Variants in NCOA7 observed in about 807,000 individuals in gnomAD.
NCOA7 encodes the protein 140 kDa estrogen receptor-associated protein.
In NCOA7, 45 loss-of-function variants were observed where a neutral mutation model predicts 104.3. The observed-to-expected ratio is 0.43, with a 90% CI of 0.34 to 0.55. The LOEUF (loss-of-function observed/expected upper bound fraction) is 0.55. Among genes scored for constraint, NCOA7 ranks in the 20% least tolerant of loss-of-function variants. NCOA7 has a pLI of 0.02. For missense variants in NCOA7, 1,041 were observed against 1,119.7 expected (o/e 0.93, Z 1.00); for synonymous variants, 398 against 402.3 (o/e 0.99, Z 0.13).
intron 10 of NCOA7, among the ~76,000 whole-genome samples, chr6:125,893,168 A>G (rs950322145): frequency 6.6e-6 from 1 of 152,178 alleles, no homozygotes; most frequent in East Asian, 1.9e-4. Flanking sequence ...AGCAAACTGG[A>G]TGTTTCTACT....
intron 11 of NCOA7, among the ~76,000 whole-genome samples, chr6:125,916,868 ACT>A (rs1253748948): frequency 1.3e-5 from 2 of 151,870 alleles, no homozygotes; most frequent in African/African-American, 4.8e-5. Flanking sequence ...ACTAATTTAA[ACT>A]CTTCACTCAA....
At position 125,929,510 on chromosome 6, in the gene NCOA7, G is replaced by A. The variant is rs537422808; in HGVS notation, c.*739G>A. On this transcript the variant is annotated 3_prime_UTR_variant, in exon 16 of 16. Transcript: ENST00000392477. ...GATATATGTGTGTGTGTATGTATAT[G>A]TACATATACATATATATGAGTGTAT... is the stretch of plus-strand genomic sequence containing the variant. 5 of 151,872 alleles carry A rather than the reference G, an allele frequency of 3.3e-5. No individual in the cohort carries two copies. Among genetic ancestry groups the A allele is most frequent in the African/African-American group, 1.2e-4 (5 of 41,460 alleles). 9.4% of individuals were successfully genotyped at this position (151,872 alleles called of 1,614,324 possible).
At chr6:125,800,379 GT>G (rs1445219423) in intron 1 of NCOA7, among the ~76,000 whole-genome samples, 2 of 152,150 alleles carry the variant, frequency 1.3e-5, no homozygotes, top group African/African-American at 4.8e-5. Flanking sequence ...TTCTGTTTTA[GT>G]TATGTGCCTT....
rs942599372 is a variant in NCOA7 at position 125,865,363 on chromosome 6, G to A, written c.272-9526G>A. On this transcript the variant is annotated intron_variant, in intron 3 of 15. Transcript: ENST00000392477. Reference sequence around the variant, plus strand: ...TTTTAGCACAGTATGACTCATTTTAGTCGAGAACTATGTTACCTGTGACTT... The same window carrying A: ...TTTTAGCACAGTATGACTCATTTTAATCGAGAACTATGTTACCTGTGACTT... 4.3e-5 allele frequency among the ~76,000 whole-genome samples: 6 copies of A among 138,242 alleles called. 2 individuals carry two copies. Among genetic ancestry groups the A allele is most frequent in the Non-Finnish European group, 6.2e-5 (4 of 65,010 alleles). 90.7% of individuals were successfully genotyped at this position (138,242 alleles called of 152,430 possible).
intron 4 of NCOA7, chr6:125,875,347 G>A (rs773634410): frequency 1.2e-4 from 20 of 168,684 alleles, no homozygotes; most frequent in Non-Finnish European, 1.7e-4. Flanking sequence ...CTTGGGTCAC[G>A]GGTATTCTAG....
chr6:125,798,144 G>A (rs1314537449), intron 1 of NCOA7: 3 of 152,180 alleles, frequency 2.0e-5, no homozygotes, highest in African/African-American at 2.4e-5. Context: ...CTTGGCACTC[G>A]TGATTCTTCT....
At chr6:125,890,026 G>A in intron 9 of NCOA7, 45 bp downstream of exon 9, 1 of 1,400,830 alleles carries the variant, frequency 7.1e-7, no homozygotes, top group Non-Finnish European at 9.4e-7. Context: ...TTGCATAATT[G>A]CCTTTCTACA....
intron 2 of NCOA7, among the ~76,000 whole-genome samples, chr6:125,825,858 C>A (rs1281405786): frequency 6.6e-6 from 1 of 151,644 alleles, no homozygotes; most frequent in South Asian, 2.1e-4. Context: ...TTTATATAAA[C>A]GATATTCTTA....
At chr6:125,818,697 A>G (rs559807761) in intron 2 of NCOA7, 1 of 152,414 alleles carries the variant, frequency 6.6e-6, no homozygotes, top group South Asian at 2.1e-4. Flanking sequence ...CCAAAGAGAA[A>G]AGAACCCCCT....
intron 1 of NCOA7, among the ~76,000 whole-genome samples, chr6:125,806,941 G>A (rs1583257740): frequency 6.6e-6 from 1 of 152,078 alleles, no homozygotes; most frequent in African/African-American, 2.4e-5. Flanking sequence ...ATTTATTTAG[G>A]TGAGGTGTTG....
intron 1 of NCOA7, among the ~76,000 whole-genome samples, chr6:125,792,788 A>G (rs1266282317): frequency 6.6e-6 from 1 of 152,098 alleles, no homozygotes; most frequent in Admixed American, 6.6e-5. Flanking sequence ...GAAAAAAAAA[A>G]AGAAAAACAA....
chr6:125,901,288 G>T (rs1013142456), intron 10 of NCOA7, among the ~76,000 whole-genome samples: 1 of 152,140 alleles, frequency 6.6e-6, no homozygotes, highest in Non-Finnish European at 1.5e-5. Flanking sequence ...TGAGTTTCGG[G>T]ATTATATTTT....
Position 125,885,422 on chromosome 6 carries a change from T to C in NCOA7, c.884+79T>C, listed in dbSNP as rs1341729304. ...TAGCTTAAAAATGAGGGCATTTGCA[T>C]GATTGAGGGATTGTGTAGAGGTGAT... On this transcript the variant is annotated intron_variant, in intron 8 of 15. Transcript: ENST00000392477. 2.8e-6 allele frequency: 4 copies of C among 1,417,946 alleles called. No individual in the cohort carries two copies. The East Asian group carries it at 9.2e-5, about 32-fold the overall frequency. 87.8% of individuals were successfully genotyped at this position (1,417,946 alleles called of 1,614,324 possible).
chr6:125,827,188 CAAAAAAAAAAAAAA>C (rs66522338), intron 2 of NCOA7, among the ~76,000 whole-genome samples: 60 of 79,004 alleles, frequency 7.6e-4, no homozygotes, highest in Non-Finnish European at 7.5e-4. Context: ...AACTCCATCT[CAAAAAAAAAAAAAA>C]AAAAAAAAAA....
At chr6:125,924,228 C>G (rs1220406118) in intron 13 of NCOA7, among the ~76,000 whole-genome samples, 1 of 152,176 alleles carries the variant, frequency 6.6e-6, no homozygotes, top group Non-Finnish European at 1.5e-5. Flanking sequence ...TATTTACTTA[C>G]CAAAATATCA....
At chr6:125,869,900 A>G (rs942236526) in intron 3 of NCOA7, among the ~76,000 whole-genome samples, 10 of 152,240 alleles carry the variant, frequency 6.6e-5, no homozygotes, top group African/African-American at 2.4e-4. Flanking sequence ...GAACTGTAAA[A>G]TAATAAATCT....
chr6:125,791,500 G>A lies in NCOA7; in HGVS notation c.-65+433G>A, dbSNP rs1032916427. ...GTAGACAGGCAAAGGGTTATTAGTG[G>A]CATGTAGAAGTCGCTGTGGATTTTT... On this transcript the variant is annotated intron_variant, in intron 1 of 15. Transcript: ENST00000392477. Among the ~76,000 whole-genome samples, 9 of 152,222 alleles carry A rather than the reference G, an allele frequency of 5.9e-5. No individual in the cohort carries two copies. In the South Asian group the frequency reaches 6.2e-4, roughly 11 times the overall value.
At chr6:125,916,143 G>C (rs1223694830) in intron 11 of NCOA7, among the ~76,000 whole-genome samples, 1 of 152,170 alleles carries the variant, frequency 6.6e-6, no homozygotes, top group Non-Finnish European at 1.5e-5. Context: ...CTGTTCTCAT[G>C]ATAGTGAGGG....
chr6:125,915,543 C>A, intron 11 of NCOA7, 63 bp downstream of exon 11: 2 of 1,591,252 alleles, frequency 1.3e-6, no homozygotes, highest in South Asian at 1.1e-5. Flanking sequence ...GTCTCGCATT[C>A]AGATTCCATG....
Sources: allele counts gnomAD v4.1 joint callset (sites outside exome capture counted in the v4.1 genomes callset), GRCh38; gene constraint gnomAD v4.1.1; transcripts MANE v1.5; gene names NCBI Gene and HGNC (gene_info 2026-07-23, HGNC 2026-07-21).